GRM5: variants seen among roughly 807,000 people sequenced by gnomAD.
GRM5 encodes the protein metabotropic glutamate receptor 5.
A neutral mutation model predicts 83.1 loss-of-function variants in GRM5; 19 were observed. The observed-to-expected ratio is 0.23, with a 90% confidence interval of 0.16 to 0.34. The LOEUF is 0.34. Ranked by LOEUF, GRM5 falls within the 10% of genes least tolerant of loss-of-function variation. The pLI, the probability that GRM5 is intolerant of heterozygous loss-of-function variation, is 1.00. For synonymous variants in GRM5, 675 were observed against 633.6 expected (o/e 1.07, Z -0.98); for missense variants, 1,160 against 1,588.3 (o/e 0.73, Z 4.58).
At chr11:88,860,744 T>G (rs1944547190) in intron 2 of GRM5, among the ~76,000 whole-genome samples, 1 of 152,138 alleles carries the variant, frequency 6.6e-6, no homozygotes, top group African/African-American at 2.4e-5. Flanking sequence ...GGAACTCAAT[T>G]TGGATTCAGA....
At chr11:88,624,536 G>A (rs1378927723) in intron 4 of GRM5, among the ~76,000 whole-genome samples, 1 of 152,152 alleles carries the variant, frequency 6.6e-6, no homozygotes, top group Non-Finnish European at 1.5e-5. Flanking sequence ...AAAATTTCAG[G>A]CTGGGTATGG....
intron 8 of GRM5, among the ~76,000 whole-genome samples, chr11:88,548,747 A>T (rs1942436046): frequency 6.6e-6 from 1 of 152,232 alleles, no homozygotes; most frequent in Admixed American, 6.5e-5. Context: ...ACTAGGCACT[A>T]GTGGAGCACT....
At chr11:88,539,191 T>G (rs1942207407) in intron 8 of GRM5, among the ~76,000 whole-genome samples, 1 of 152,246 alleles carries the variant, frequency 6.6e-6, no homozygotes, top group Admixed American at 6.5e-5. Flanking sequence ...CTAAAGCTGA[T>G]GGAGTATCAG....
chr11:88,723,514 C>T (rs1156978296), intron 3 of GRM5, among the ~76,000 whole-genome samples: 1 of 152,070 alleles, frequency 6.6e-6, no homozygotes, highest in Non-Finnish European at 1.5e-5. Flanking sequence ...ATCAATAAGA[C>T]TTCCTGTTGC....
intron 7 of GRM5, among the ~76,000 whole-genome samples, chr11:88,571,606 T>G (rs1196677947): frequency 6.6e-6 from 1 of 152,144 alleles, no homozygotes; most frequent in African/African-American, 2.4e-5. Context: ...CAGTACATTG[T>G]GGTGGGGCAA....
chr11:88,993,197 C>G (rs1327165166), intron 2 of GRM5, among the ~76,000 whole-genome samples: 1 of 140,506 alleles, frequency 7.1e-6, no homozygotes, highest in Non-Finnish European at 1.5e-5. Flanking sequence ...GTCCAGGAGG[C>G]AGAGCTTGCA....
intron 3 of GRM5, among the ~76,000 whole-genome samples, chr11:88,744,223 A>C (rs1167147468): frequency 6.6e-6 from 1 of 152,198 alleles, no homozygotes; most frequent in African/African-American, 2.4e-5. Context: ...TTTCAAGTGA[A>C]TAATATTAAT....
intron 2 of GRM5, among the ~76,000 whole-genome samples, chr11:88,976,093 G>C (rs772383517): frequency 3.9e-5 from 6 of 152,110 alleles, no homozygotes; most frequent in Non-Finnish European, 7.4e-5. Flanking sequence ...TAGTTAATTT[G>C]ATAAATTTAA....
In GRM5 at chr11:88,567,273, AAC is replaced by A; in HGVS notation, c.2408_2409del (p.Cys803PhefsTer118). Reference protein sequence around the residue: ...FGSNYKIITMCFSVSLSATVA... With the variant: ...FGSNYKIITMXFSVSLSATVA... ...ACTGTGGCACTGAGGCTGACCGAGA[AAC>A]ACATGGTGATGATTTTGTAGTTGCT... On this transcript the variant is annotated frameshift_variant, in exon 8 of 10. Coordinates refer to ENST00000305447, the MANE Select transcript of GRM5 (RefSeq NM_001143831.3). LOFTEE classifies it high-confidence loss of function. This position sits in a 1 kb window ranked among gnomAD's most constrained non-coding sequence, Gnocchi z 7.3. 1 of 1,614,056 alleles carries A rather than the reference AAC, an allele frequency of 6.2e-7. No homozygotes were observed. Among genetic ancestry groups the A allele is most frequent in the Non-Finnish European group, 8.5e-7 (1 of 1,179,910 alleles).
chr11:88,638,161 G>T (rs1400723884), intron 4 of GRM5, among the ~76,000 whole-genome samples: 8 of 115,622 alleles, frequency 6.9e-5, no homozygotes, highest in African/African-American at 2.6e-4. Context: ...GTGGTGGGGT[G>T]GGGGGAGGGG....
chr11:88,865,670 G>C (rs1005686402), intron 2 of GRM5, among the ~76,000 whole-genome samples: 126 of 151,930 alleles, frequency 8.3e-4, no homozygotes, highest in African/African-American at 2.9e-3. Flanking sequence ...ATCTGACAAA[G>C]GACTAATATC....
At chr11:88,678,059 T>G (rs1162239634) in intron 3 of GRM5, among the ~76,000 whole-genome samples, 1 of 47,526 alleles carries the variant, frequency 2.1e-5, no homozygotes, top group East Asian at 4.7e-4. Context: ...TTTTAATTTC[T>G]GAATTTTTTT....
At chr11:88,685,622 T>C (rs1940602740) in intron 3 of GRM5, among the ~76,000 whole-genome samples, 1 of 151,998 alleles carries the variant, frequency 6.6e-6, no homozygotes, top group South Asian at 2.1e-4. Flanking sequence ...TAGGAAAAAG[T>C]AGTTTCCTGG....
At chr11:88,521,852 G>T (rs193060900) in intron 9 of GRM5, among the ~76,000 whole-genome samples, 7 of 152,306 alleles carry the variant, frequency 4.6e-5, no homozygotes, top group African/African-American at 1.7e-4. Flanking sequence ...AGGAGCATCT[G>T]TCTAAGGCCC....
intron 3 of GRM5, among the ~76,000 whole-genome samples, chr11:88,849,141 G>A (rs899467107): frequency 2.0e-5 from 3 of 151,420 alleles, no homozygotes; most frequent in African/African-American, 7.3e-5. Context: ...AATATCATAT[G>A]TGTATATATA....
At chr11:88,657,597 T>G (rs990449006) in intron 3 of GRM5, among the ~76,000 whole-genome samples, 1 of 152,202 alleles carries the variant, frequency 6.6e-6, no homozygotes, top group Non-Finnish European at 1.5e-5. Context: ...ACTCTCTTTC[T>G]CTACAATCTA....
intron 3 of GRM5, among the ~76,000 whole-genome samples, chr11:88,834,489 C>A (rs982819947): frequency 1.2e-4 from 19 of 152,124 alleles, no homozygotes; most frequent in African/African-American, 4.6e-4. Flanking sequence ...AATCAATATT[C>A]ACTTTATCAC....
chr11:88,982,429 T>A (rs1406223428), intron 2 of GRM5, among the ~76,000 whole-genome samples: 1 of 152,124 alleles, frequency 6.6e-6, no homozygotes, highest in Non-Finnish European at 1.5e-5. Flanking sequence ...GAAAAAGAAC[T>A]CCACCCATCT....
chr11:89,038,255 A>G (rs182128336), intron 2 of GRM5, among the ~76,000 whole-genome samples: 29 of 152,280 alleles, frequency 1.9e-4, no homozygotes, highest in Admixed American at 1.9e-3. Flanking sequence ...TTTGACTATT[A>G]CACCTCTTGC....
Sources: allele counts gnomAD v4.1 joint callset (sites outside exome capture counted in the v4.1 genomes callset), GRCh38; gene constraint gnomAD v4.1.1; non-coding constraint Gnocchi (gnomAD v3.1); transcripts MANE v1.5; gene names NCBI Gene and HGNC (gene_info 2026-07-23, HGNC 2026-07-21).